Variants in ADAM22 observed in about 807,000 individuals in gnomAD.
ADAM22 encodes disintegrin and metalloproteinase domain-containing protein 22.
ADAM22 carries 65 observed loss-of-function variants against 144.6 expected under a neutral mutation model. That is an observed-to-expected ratio of 0.45 (90% CI 0.37 to 0.55). ADAM22 has a LOEUF of 0.55. ADAM22 is among the 20% of genes least tolerant of loss of function. The probability of loss-of-function intolerance (pLI) is 0.00; values close to 1 mark genes in which losing one functional copy is unlikely to be tolerated. For missense variants in ADAM22, 974 were observed against 1,184.9 expected (o/e 0.82, Z 2.61); for synonymous variants, 391 against 412.6 (o/e 0.95, Z 0.63).
intron 31 of ADAM22, 105 bp from the exon 32 acceptor site, chr7:88,196,366 T>TCA: frequency 7.6e-7 from 1 of 1,315,762 alleles, no homozygotes; most frequent in South Asian, 1.2e-5. Context: ...GCATCCACAA[T>TCA]CACATATATA....
intron 3 of ADAM22, among the ~76,000 whole-genome samples, chr7:88,009,699 G>A (rs1031260626): frequency 3.9e-5 from 6 of 152,096 alleles, no homozygotes; most frequent in Non-Finnish European, 7.4e-5. Flanking sequence ...TATTATTTTA[G>A]ACATCTGGTG....
At chr7:88,193,349 GA>G in intron 31 of ADAM22, 110 bp downstream of exon 31, 1 of 1,305,206 alleles carries the variant, frequency 7.7e-7, no homozygotes, top group Non-Finnish European at 1.0e-6. Context: ...CTAAGAAAAT[GA>G]AAAAATCAAA....
chr7:88,009,345 A>G (rs1427939773), intron 3 of ADAM22, among the ~76,000 whole-genome samples: 2 of 152,104 alleles, frequency 1.3e-5, no homozygotes, highest in Non-Finnish European at 1.5e-5. Flanking sequence ...TTGTTAAACA[A>G]CCCAAGAGCT....
intron 4 of ADAM22, among the ~76,000 whole-genome samples, chr7:88,097,312 C>A (rs889801491): frequency 6.6e-6 from 1 of 151,396 alleles, no homozygotes; most frequent in Admixed American, 6.6e-5. Context: ...CCATTATGCC[C>A]GGCTAATTTT....
chr7:88,025,101 G>A (rs1328539013), intron 3 of ADAM22, among the ~76,000 whole-genome samples: 1 of 152,132 alleles, frequency 6.6e-6, no homozygotes, highest in Non-Finnish European at 1.5e-5. Context: ...GGTATTTCTA[G>A]TTCTAGATCC....
intron 2 of ADAM22, among the ~76,000 whole-genome samples, chr7:87,951,983 A>G (rs1407870469): frequency 6.7e-6 from 1 of 148,894 alleles, no homozygotes; most frequent in African/African-American, 2.5e-5. Context: ...ATTTTTGTAC[A>G]TTGATTTTGT....
chr7:88,057,614 T>C (rs1453895563), intron 3 of ADAM22, among the ~76,000 whole-genome samples: 1 of 152,236 alleles, frequency 6.6e-6, no homozygotes, highest in Non-Finnish European at 1.5e-5. Context: ...CATTATTTAT[T>C]GTAGCATTCT....
intron 14 of ADAM22, among the ~76,000 whole-genome samples, chr7:88,140,568 A>C (rs1834309156): frequency 6.6e-6 from 1 of 152,202 alleles, no homozygotes; most frequent in African/African-American, 2.4e-5. Context: ...ACAGGAATGC[A>C]AGTTTTGGCT....
intron 2 of ADAM22, among the ~76,000 whole-genome samples, chr7:87,960,797 A>G (rs1403886106): frequency 6.6e-6 from 1 of 152,100 alleles, no homozygotes; most frequent in Non-Finnish European, 1.5e-5. Context: ...GTTTTGAGTA[A>G]CTAACACTAA....
chr7:88,170,556 C>G lies in ADAM22; in HGVS notation c.2283-988C>G, dbSNP rs149140399. Among the ~76,000 whole-genome samples the G allele has an allele frequency of 3.1e-3, 476 of 151,956 alleles. 1 individual carries two copies. Among genetic ancestry groups the G allele is most frequent in the African/African-American group, 0.011 (451 of 41,524 alleles). The stretch of plus-strand genomic sequence containing the variant: ...ACATGTTGAATAGAAAAATACCAGG[C>G]TTATTTTTCCCCCATCTGATAGTTT... On this transcript the variant is annotated intron_variant, in intron 25 of 31. Transcript: ENST00000413139.
At chr7:88,149,123 C>A (rs978430024) in intron 18 of ADAM22, 66 bp downstream of exon 18, 12 of 1,067,776 alleles carry the variant, frequency 1.1e-5, no homozygotes, top group Non-Finnish European at 1.6e-5. Flanking sequence ...GTGCACTGAC[C>A]CTCAAAGAGA....
intron 3 of ADAM22, among the ~76,000 whole-genome samples, chr7:88,053,842 TGC>T (rs1308038550): frequency 1.3e-5 from 2 of 151,346 alleles, no homozygotes; most frequent in African/African-American, 4.8e-5. Context: ...TTACAAATGG[TGC>T]TGTGGGCTGG....
chr7:88,107,640 C>T (rs543327816), intron 4 of ADAM22, among the ~76,000 whole-genome samples: 1 of 152,076 alleles, frequency 6.6e-6, no homozygotes, highest in African/African-American at 2.4e-5. Flanking sequence ...GGCTGGAGTG[C>T]AGTAGCACAA....
At chr7:88,177,608 A>G (rs1297737942) in intron 26 of ADAM22, among the ~76,000 whole-genome samples, 12 of 152,224 alleles carry the variant, frequency 7.9e-5, no homozygotes, top group Admixed American at 7.9e-4. Context: ...AAGTTAAAAT[A>G]TGTGCTTCAT....
At chr7:87,944,806 G>T (rs1397630681) in intron 2 of ADAM22, among the ~76,000 whole-genome samples, 2 of 149,116 alleles carry the variant, frequency 1.3e-5, no homozygotes, top group Non-Finnish European at 3.0e-5. Flanking sequence ...GTCTTTAAAG[G>T]GAAACTTGTG....
chr7:87,960,995 A>G (rs1164735378), intron 2 of ADAM22, among the ~76,000 whole-genome samples: 2 of 152,250 alleles, frequency 1.3e-5, no homozygotes, highest in Non-Finnish European at 2.9e-5. Context: ...ACAAAAATAT[A>G]GTAAATGATG....
chr7:88,084,151 C>G (rs919993047), intron 4 of ADAM22, among the ~76,000 whole-genome samples: 1 of 152,184 alleles, frequency 6.6e-6, no homozygotes. Flanking sequence ...AGACAGCTCT[C>G]TGCTGTCTCT....
At chr7:88,148,101 C>G (rs939660256) in intron 17 of ADAM22, among the ~76,000 whole-genome samples, 2 of 152,102 alleles carry the variant, frequency 1.3e-5, no homozygotes, top group African/African-American at 4.8e-5. Flanking sequence ...GTTCTAGGAA[C>G]AGCAGGAGAC....
At position 88,107,469 on chromosome 7, in the gene ADAM22, G is replaced by A. The variant is rs10256258; in HGVS notation, c.391-707G>A. On this transcript the variant is annotated intron_variant, in intron 4 of 31. Transcript: ENST00000413139. Reference sequence around the variant, plus strand: ...ACCCACCTCAGTCTCCCAAAGTGCTGGGATTAGAGGCATGAGCCACTGCAC... The same window carrying A: ...ACCCACCTCAGTCTCCCAAAGTGCTAGGATTAGAGGCATGAGCCACTGCAC... 6.3e-3 allele frequency among the ~76,000 whole-genome samples: 961 copies of A among 152,152 alleles called. 15 individuals are homozygous for A. The highest frequency in any genetic ancestry group is 0.022 in the African/African-American group (928 of 41,520).
Sources: gnomAD v4.1 joint callset for allele counts (sites outside exome capture counted in the v4.1 genomes callset) on GRCh38, gnomAD v4.1.1 for gene constraint, MANE v1.5 for transcripts, NCBI Gene and HGNC (gene_info 2026-07-23, HGNC 2026-07-21) for gene names.